The following MYO1F variants were observed in gnomAD, a reference collection of about 807,000 sequenced individuals.
MYO1F encodes myosin IF.
Under a neutral mutation model 146.6 loss-of-function variants are expected in MYO1F, and 60 were observed. That is an observed-to-expected ratio of 0.41 (90% CI 0.33 to 0.51). MYO1F has a LOEUF of 0.51. Among genes scored for constraint, MYO1F ranks in the 20% least tolerant of loss-of-function variants. The pLI is 0.25. For missense variants in MYO1F, 1,274 were observed against 1,534.3 expected (o/e 0.83, Z 2.83); for synonymous variants, 602 against 602.1 (o/e 1.00, Z 0.00).
intron 1 of MYO1F, among the ~76,000 whole-genome samples, chr19:8,571,509 G>C (rs138339626): frequency 1.3e-4 from 20 of 151,806 alleles, no homozygotes; most frequent in Admixed American, 1.1e-3. Flanking sequence ...CCACCTCCTG[G>C]GTTCAAGCGA....
Position 8,541,636 on chromosome 19 carries a change from C to T in MYO1F, c.1610+270G>A, listed in dbSNP as rs571928463. Reference sequence around the variant, plus strand: ...TAGAGACAAGGTTTTGCCATGTTGCCCAGGCTGGTCTCAAACTCTTGGCCT... The same window carrying T: ...TAGAGACAAGGTTTTGCCATGTTGCTCAGGCTGGTCTCAAACTCTTGGCCT... On this transcript the variant is annotated intron_variant, in intron 15 of 27. Coordinates refer to ENST00000644032, the MANE Select transcript of MYO1F (RefSeq NM_012335.4). 3.7e-4 allele frequency: 178 copies of T among 476,528 alleles called. 1 individual carries two copies. The highest frequency in any genetic ancestry group is 2.9e-3 in the African/African-American group (150 of 50,852). 29.5% of individuals were successfully genotyped at this position (476,528 alleles called of 1,614,324 possible).
At chr19:8,559,343 T>A (rs936625862) in intron 1 of MYO1F, among the ~76,000 whole-genome samples, 3 of 7,994 alleles carry the variant, frequency 3.8e-4, no homozygotes, top group African/African-American at 5.3e-4. Context: ...GGGTGGGGGG[T>A]GGGGGGTGGG....
At chr19:8,545,042 T>C (rs1218739846) in intron 13 of MYO1F, among the ~76,000 whole-genome samples, 1 of 152,044 alleles carries the variant, frequency 6.6e-6, no homozygotes, top group Admixed American at 6.6e-5. Flanking sequence ...CCTCCCAAAG[T>C]GCTGGGATTA....
chr19:8,555,520 C>A, intron 2 of MYO1F, 139 bp downstream of exon 2: 1 of 1,185,508 alleles, frequency 8.4e-7, no homozygotes, highest in Non-Finnish European at 1.2e-6. Flanking sequence ...GCCCTGCTGT[C>A]ACTCTGTCTG....
At chr19:8,562,069 C>G (rs187022158) in intron 1 of MYO1F, among the ~76,000 whole-genome samples, 2 of 151,262 alleles carry the variant, frequency 1.3e-5, no homozygotes, top group African/African-American at 4.9e-5. Context: ...GAGTCTTGCT[C>G]TGTCGCCCAG....
At chr19:8,561,713 CTA>C (rs1010017189) in intron 1 of MYO1F, among the ~76,000 whole-genome samples, 7 of 125,850 alleles carry the variant, frequency 5.6e-5, no homozygotes, top group African/African-American at 2.1e-4. Context: ...TCCTTTTTTT[CTA>C]TCTTTTTTTT....
intron 21 of MYO1F, among the ~76,000 whole-genome samples, chr19:8,528,757 CTCAGGTAAAGGTATTATGGT>C (rs528141553): frequency 6.6e-6 from 1 of 152,154 alleles, no homozygotes; most frequent in South Asian, 2.1e-4. Flanking sequence ...CTGTAGCCAG[CTCAGGTAAAGGTATTATGGT>C]TCAGGTGAGG....
chr19:8,547,834 T>G (rs975427154), intron 12 of MYO1F: 6 of 588,316 alleles, frequency 1.0e-5, no homozygotes, highest in African/African-American at 9.3e-5. Flanking sequence ...AATTGCTGAA[T>G]GAATGAACTA....
chr19:8,527,373 TTTC>T lies in MYO1F; in HGVS notation c.2436_2438del (p.Lys813del). 1.2e-6 allele frequency: 2 copies of T among 1,614,084 alleles called. No homozygotes were observed. Among genetic ancestry groups the T allele is most frequent in the Non-Finnish European group, 1.7e-6 (2 of 1,180,014 alleles). On this transcript the variant is annotated inframe_deletion, in exon 22 of 28. Coordinates refer to ENST00000644032, the MANE Select transcript of MYO1F (RefSeq NM_012335.4). Reference sequence around the variant, plus strand: ...CTCCCCGCAGAGCCTGGATGTCCACTTTCTTCTTCAAGACTTCACACACCTGGC... The same window carrying T: ...CTCCCCGCAGAGCCTGGATGTCCACTTTCTTCAAGACTTCACACACCTGGC...
intron 1 of MYO1F, chr19:8,576,857 G>A (rs1454581279): frequency 4.3e-6 from 1 of 232,306 alleles, no homozygotes; most frequent in East Asian, 1.2e-4. Context: ...CCCCTGAAGA[G>A]CAACTTCCGC....
intron 17 of MYO1F, 26 bp downstream of exon 17, chr19:8,536,923 A>ATC (rs1568341719): frequency 8.0e-7 from 1 of 1,257,066 alleles, no homozygotes; most frequent in South Asian, 1.2e-5. Context: ...GGGGGAATGA[A>ATC]TCTTGGATTG....
chr19:8,539,734 G>A (rs1030373921), intron 16 of MYO1F, among the ~76,000 whole-genome samples: 2 of 152,202 alleles, frequency 1.3e-5, no homozygotes, highest in African/African-American at 4.8e-5. Context: ...CATTGAAGGA[G>A]TTGATGGAGA....
chr19:8,541,615 G>A lies in MYO1F; in HGVS notation c.1610+291C>T, dbSNP rs944248006. The A allele has an allele frequency of 1.2e-5, 5 of 420,496 alleles. No homozygotes were observed. In the Admixed American group the frequency reaches 1.4e-4, roughly 12 times the overall value. 26.0% of individuals were successfully genotyped at this position (420,496 alleles called of 1,614,324 possible). On this transcript the variant is annotated intron_variant, in intron 15 of 27. Transcript: ENST00000644032. ...AGGTAATTTTTATAATTTTAGTAGA[G>A]ACAAGGTTTTGCCATGTTGCCCAGG...
intron 21 of MYO1F, among the ~76,000 whole-genome samples, chr19:8,528,208 C>T (rs1216090447): frequency 6.6e-6 from 1 of 151,094 alleles, no homozygotes; most frequent in Non-Finnish European, 1.5e-5. Context: ...GGTGACAGAG[C>T]AAGACCCTGT....
intron 19 of MYO1F, among the ~76,000 whole-genome samples, chr19:8,531,505 T>G (rs926972231): frequency 2.0e-5 from 3 of 150,440 alleles, no homozygotes; most frequent in African/African-American, 7.5e-5. Flanking sequence ...TGAGCCACCA[T>G]GCCCAGCTAA....
chr19:8,545,455 A>G, intron 13 of MYO1F, 195 bp downstream of exon 13: 1 of 650,678 alleles, frequency 1.5e-6, no homozygotes. Context: ...ATTAAGTGAA[A>G]GGTGGACAAG....
intron 13 of MYO1F, 151 bp from the exon 14 acceptor site, chr19:8,544,615 C>G (rs888480697): frequency 1.7e-5 from 14 of 838,390 alleles, no homozygotes; most frequent in Non-Finnish European, 2.6e-5. Flanking sequence ...GCTTCAAATA[C>G]AAGCACAAAA....
At chr19:8,548,163 T>C (rs757673536) in intron 11 of MYO1F, 41 bp from the exon 12 acceptor site, 1 of 1,613,344 alleles carries the variant, frequency 6.2e-7, no homozygotes, top group Admixed American at 1.7e-5. Context: ...AATGTCCTGG[T>C]GCTGGAAGTT....
chr19:8,568,447 T>TAAAAAA (rs2042049292), intron 1 of MYO1F, among the ~76,000 whole-genome samples: 1 of 100,672 alleles, frequency 9.9e-6, no homozygotes, highest in African/African-American at 4.1e-5. Flanking sequence ...AAAAAAAAAT[T>TAAAAAA]AATCACAGGC....
Sources: allele counts gnomAD v4.1 joint callset (sites outside exome capture counted in the v4.1 genomes callset), GRCh38; gene constraint gnomAD v4.1.1; transcripts MANE v1.5; gene names NCBI Gene and HGNC (gene_info 2026-07-23, HGNC 2026-07-21).